Variants in PDGFRL observed in about 807,000 individuals in gnomAD.
PDGFRL encodes platelet derived growth factor receptor like, also known as platelet-derived growth factor receptor-like protein.
Under a neutral mutation model 37.2 loss-of-function variants are expected in PDGFRL, and 46 were observed. The observed-to-expected ratio is 1.24, with a 90% CI of 0.98 to 1.58. The LOEUF is 1.58. Ranked by LOEUF, PDGFRL falls within the 40% of genes most tolerant of loss-of-function variation. PDGFRL has a pLI of 0.00. For missense variants in PDGFRL, 692 were observed against 467.6 expected, an observed-to-expected ratio of 1.48 and a Z score of -4.43; for synonymous variants, 251 against 184.3, an observed-to-expected ratio of 1.36 and a Z score of -2.93.
rs183879427 is a variant in PDGFRL, at chr8:17,619,585, A to G, written c.354-1466A>G. 6.1e-3 allele frequency among the ~76,000 whole-genome samples: 928 copies of G among 152,348 alleles called. 4 individuals are homozygous for G. The highest frequency in any genetic ancestry group is 0.01 in the Middle Eastern group (3 of 294). ...CTTTGGGCTCAGGACCTTATCAGCC[A>G]ATGCGTTTTCTTCCTAAAAGAAAGT... On this transcript the variant is annotated intron_variant, in intron 2 of 5. Coordinates refer to ENST00000251630, the MANE Select transcript of PDGFRL (RefSeq NM_001372073.1).
At chr8:17,596,756 TTGTGAAAAAA>T (rs1804061416) in intron 2 of PDGFRL, among the ~76,000 whole-genome samples, 1 of 142,884 alleles carries the variant, frequency 7.0e-6, no homozygotes, top group Non-Finnish European at 1.5e-5. Flanking sequence ...TTATGAAACA[TTGTGAAAAAA>T]TGTGAAAAAC....
intron 4 of PDGFRL, among the ~76,000 whole-genome samples, chr8:17,632,656 A>G (rs1294561261): frequency 6.6e-6 from 1 of 152,074 alleles, no homozygotes; most frequent in Non-Finnish European, 1.5e-5. Flanking sequence ...AATTAAACCA[A>G]TCAGTAGGTT....
At chr8:17,609,144 G>C (rs1332171989) in intron 2 of PDGFRL, among the ~76,000 whole-genome samples, 2 of 152,180 alleles carry the variant, frequency 1.3e-5, no homozygotes, top group South Asian at 2.1e-4. Flanking sequence ...TGAGGCTACA[G>C]TGAGCCATGG....
intron 2 of PDGFRL, among the ~76,000 whole-genome samples, 188 bp from the exon 3 acceptor site, chr8:17,620,862 AT>A (rs35442209): frequency 1.4e-5 from 2 of 147,636 alleles, no homozygotes; most frequent in Admixed American, 6.7e-5. Context: ...AGTTTTTATC[AT>A]TTTTTTTTTT....
chr8:17,637,506 T>C (rs550977150), intron 5 of PDGFRL, among the ~76,000 whole-genome samples: 1 of 152,344 alleles, frequency 6.6e-6, no homozygotes, highest in South Asian at 2.1e-4. Flanking sequence ...TCTATATTCA[T>C]CAAACATGTT....
chr8:17,611,006 C>G (rs948985670), intron 2 of PDGFRL, among the ~76,000 whole-genome samples: 3 of 152,218 alleles, frequency 2.0e-5, no homozygotes, highest in Admixed American at 6.5e-5. Flanking sequence ...TGTAAATTTC[C>G]TCCAAGTCAT....
chr8:17,601,374 G>T (rs1480085825), intron 2 of PDGFRL, among the ~76,000 whole-genome samples: 1 of 152,152 alleles, frequency 6.6e-6, no homozygotes, highest in African/African-American at 2.4e-5. Context: ...GAGATCATGT[G>T]ACCTGAGACT....
At chr8:17,623,997 CTT>C (rs1303520699) in intron 3 of PDGFRL, among the ~76,000 whole-genome samples, 5 of 151,228 alleles carry the variant, frequency 3.3e-5, no homozygotes, top group African/African-American at 1.2e-4. Flanking sequence ...TATCAAGAAA[CTT>C]TGATCAAAAA....
At position 17,614,730 on chromosome 8, in the gene PDGFRL, C is replaced by T. The variant is rs143453409; in HGVS notation, c.354-6321C>T. ...AGTAGCTGGGACTATAGGCTGGCAT[C>T]GTGACATCCAGCTAATTTTTAACAT... On this transcript the variant is annotated intron_variant, in intron 2 of 5. Transcript: ENST00000251630. Among the ~76,000 whole-genome samples the T allele has an allele frequency of 5.5e-3, 839 of 152,292 alleles. 3 individuals carry two copies. Among genetic ancestry groups the T allele is most frequent in the Non-Finnish European group, 6.5e-3 (439 of 68,028 alleles).
chr8:17,606,783 T>G (rs1044555390), intron 2 of PDGFRL, among the ~76,000 whole-genome samples: 1 of 152,136 alleles, frequency 6.6e-6, no homozygotes. Flanking sequence ...GTAAACCTCT[T>G]GGCACACATA....
At chr8:17,587,133 G>A (rs3850741) in intron 1 of PDGFRL, among the ~76,000 whole-genome samples, 58,133 of 152,010 alleles carry the variant, frequency 0.38, 11,600 homozygotes, top group South Asian at 0.49. Flanking sequence ...GGCTCCTTTA[G>A]CTTTGCATCA....
chr8:17,632,082 C>A (rs1804873490), intron 4 of PDGFRL, among the ~76,000 whole-genome samples: 1 of 152,320 alleles, frequency 6.6e-6, no homozygotes, highest in Admixed American at 6.5e-5. Flanking sequence ...CCTGGTTCTT[C>A]CTCCTCCTCT....
chr8:17,609,470 G>C, intron 2 of PDGFRL, among the ~76,000 whole-genome samples: 1 of 150,340 alleles, frequency 6.7e-6, no homozygotes, highest in Non-Finnish European at 1.5e-5. Flanking sequence ...GCGAGACTCT[G>C]TCTGGAAAAA....
chr8:17,632,581 C>T (rs1200707173), intron 4 of PDGFRL, among the ~76,000 whole-genome samples: 1 of 152,186 alleles, frequency 6.6e-6, no homozygotes, highest in African/African-American at 2.4e-5. Context: ...AGGTGATCTG[C>T]CCACCTCAGC....
At chr8:17,591,397 C>T (rs1237990827) in intron 2 of PDGFRL, among the ~76,000 whole-genome samples, 1 of 152,154 alleles carries the variant, frequency 6.6e-6, no homozygotes, top group Non-Finnish European at 1.5e-5. Flanking sequence ...TGAGCATGGG[C>T]TCTGCGTCAG....
Position 17,628,663 on chromosome 8 carries a change from A to T in PDGFRL, c.682A>T (p.Lys228Ter). The T allele has an allele frequency of 6.2e-7, 1 of 1,614,182 alleles. No individual in the cohort carries two copies. The highest frequency in any genetic ancestry group is 1.3e-5 in the African/African-American group (1 of 75,058). The change falls in exon 4 of 6, where the codon AAG becomes TAG. Residue 228 changes from lysine to a stop codon, truncating the protein, a stop_gained. Transcript: ENST00000251630. LOFTEE classifies it high-confidence loss of function. ...ANGTDIVYDM[K>*]RGFVYLQPHS... Reference sequence around the variant, plus strand: ...TGGAACGGACATTGTTTATGACATGAAGCGGGGCTTTGTGTATCTGCAACC... The same window carrying T: ...TGGAACGGACATTGTTTATGACATGTAGCGGGGCTTTGTGTATCTGCAACC...
intron 1 of PDGFRL, among the ~76,000 whole-genome samples, chr8:17,583,682 C>A (rs1401215955): frequency 1.3e-5 from 2 of 152,110 alleles, no homozygotes; most frequent in South Asian, 4.2e-4. Context: ...GGGGGTGGAC[C>A]CCTCATGAAT....
chr8:17,585,741 C>T (rs1803801100), intron 1 of PDGFRL, among the ~76,000 whole-genome samples: 1 of 152,140 alleles, frequency 6.6e-6, no homozygotes, highest in Admixed American at 6.5e-5. Flanking sequence ...CAAGAAATCT[C>T]ATCCAGGCTG....
chr8:17,597,707 T>C (rs972235650), intron 2 of PDGFRL, among the ~76,000 whole-genome samples: 14 of 152,136 alleles, frequency 9.2e-5, no homozygotes, highest in Non-Finnish European at 1.9e-4. Context: ...GGCATCTCTC[T>C]AGGATTGGAG....
Sources: allele counts gnomAD v4.1 joint callset (sites outside exome capture counted in the v4.1 genomes callset), GRCh38; gene constraint gnomAD v4.1.1; transcripts MANE v1.5; gene names NCBI Gene and HGNC (gene_info 2026-07-23, HGNC 2026-07-21).